The following CALD1 variants were observed in gnomAD, a reference collection of about 807,000 sequenced individuals.
CALD1 encodes the protein caldesmon 1, also known as caldesmon.
CALD1 carries 33 observed loss-of-function variants against 99.9 expected under a neutral mutation model. That is an observed-to-expected ratio of 0.33 (90% confidence interval 0.25 to 0.44). The LOEUF is 0.44. CALD1 is among the 20% of genes least tolerant of loss of function. The pLI, the probability that CALD1 is intolerant of heterozygous loss-of-function variation, is 1.00. For synonymous variants in CALD1, 310 were observed against 325.0 expected, an observed-to-expected ratio of 0.95 and a Z score of 0.50; for missense variants, 861 against 962.1, an observed-to-expected ratio of 0.89 and a Z score of 1.39.
rs1167457880 is a variant in CALD1, at chr7:134,933,625, A to G, written c.856A>G (p.Lys286Glu). 3 of 1,611,856 alleles carry G rather than the reference A, an allele frequency of 1.9e-6. No homozygotes were observed. Among genetic ancestry groups the G allele is most frequent in the Middle Eastern group, 1.7e-4 (1 of 6,060 alleles). The change falls in exon 5 of 15, where the codon AAA (lysine) becomes GAA (glutamate). Residue 286 changes from lysine to glutamate, a missense_variant. Lys to Glu is a moderately conservative substitution (Grantham distance 56). This residue lies in a region of CALD1 where 234 missense variants were observed against 233.1 expected (regional missense o/e 1.00). Transcript: ENST00000361675. ...AGAAAGAATTAAAGCCGAGCAAGAC[A>G]AAAAGATAGCAGATGAACGAGCAAG... is the stretch of plus-strand genomic sequence containing the variant. ...ERERIKAEQD[K>E]KIADERARIE...
At chr7:134,964,501 A>G (rs1218542789) in intron 13 of CALD1, among the ~76,000 whole-genome samples, 1 of 152,154 alleles carries the variant, frequency 6.6e-6, no homozygotes. Context: ...TCAGCCATTG[A>G]GGACTGCTCC....
At chr7:134,965,868 C>T (rs1385391765) in intron 14 of CALD1, among the ~76,000 whole-genome samples, 1 of 150,666 alleles carries the variant, frequency 6.6e-6, no homozygotes, top group Non-Finnish European at 1.5e-5. Flanking sequence ...AAAAGTAAGG[C>T]AACCATTTAC....
the CALD1 span, among the ~76,000 whole-genome samples, chr7:134,723,534 CTTTTTT>C: frequency 1.5e-4 from 13 of 87,692 alleles, no homozygotes; most frequent in East Asian, 4.2e-4. Flanking sequence ...GAAAAGGTAA[CTTTTTT>C]TTTTTTTTTT....
chr7:134,952,910 T>C (rs910673170), intron 9 of CALD1, among the ~76,000 whole-genome samples: 1 of 152,324 alleles, frequency 6.6e-6, no homozygotes, highest in South Asian at 2.1e-4. Flanking sequence ...ATTTAATATC[T>C]GATTATTTAT....
intron 1 of CALD1, among the ~76,000 whole-genome samples, chr7:134,801,739 C>T (rs1455042016): frequency 3.9e-5 from 6 of 152,096 alleles, no homozygotes; most frequent in African/African-American, 1.4e-4. Context: ...CCACCTTAGC[C>T]TCCCGTGTAG....
Position 134,869,566 on chromosome 7 carries a change from G to A in CALD1, c.71+1762G>A, listed in dbSNP as rs141391876. On this transcript the variant is annotated intron_variant, in intron 3 of 14. Transcript: ENST00000361675. ...TTAGGAGAGCAAAGAACTTATAGAC[G>A]GTTCCAAAGAATATACATCTGAGGA... is the stretch of plus-strand genomic sequence containing the variant. Among the ~76,000 whole-genome samples the A allele has an allele frequency of 3.9e-5, 6 of 152,192 alleles. No individual in the cohort carries two copies. The East Asian group carries it at 9.7e-4, about 25-fold the overall frequency.
chr7:134,960,907 C>A (rs149125792), intron 13 of CALD1: 1 of 246,612 alleles, frequency 4.1e-6, no homozygotes, highest in Non-Finnish European at 7.7e-6. Flanking sequence ...AGATCCTTTA[C>A]TCGTCTATTT....
intron 3 of CALD1, among the ~76,000 whole-genome samples, chr7:134,907,708 CA>C (rs1803499930): frequency 6.6e-6 from 1 of 152,112 alleles, no homozygotes; most frequent in South Asian, 2.1e-4. Flanking sequence ...TGGCCTACCC[CA>C]AATGGATTCT....
Position 134,950,525 on chromosome 7 carries a change from C to G in CALD1, c.1935+11C>G, listed in dbSNP as rs1807254387. ...GGTTCATCTCTCAAGGTATTTTTTT[C>G]CCCAGAAAACTTCTATTAGAATATG... On this transcript the variant is annotated intron_variant, in intron 9 of 14. Transcript: ENST00000361675. The G allele has an allele frequency of 1.9e-6, 3 of 1,609,802 alleles. No individual in the cohort carries two copies.
chr7:134,961,124 T>C (rs1808231400), intron 13 of CALD1: 1 of 152,304 alleles, frequency 6.6e-6, no homozygotes, highest in Admixed American at 6.5e-5. Context: ...AAATAATTGG[T>C]CTAATTGTGT....
rs749296224 is a variant in CALD1 at position 134,947,776 on chromosome 7, C to T, written c.1794+7C>T. 8.7e-6 allele frequency: 14 copies of T among 1,612,022 alleles called. No homozygotes were observed. The South Asian group carries it at 8.8e-5, about 10-fold the overall frequency. The stretch of plus-strand genomic sequence containing the variant: ...TCGAAAACTCAGAGAGGAGGTAAGG[C>T]GGGCGCTAGCCCACTGAGAACGTTG... On this transcript the variant is annotated splice_region_variant and intron_variant, in intron 8 of 14. Coordinates refer to ENST00000361675, the MANE Select transcript of CALD1 (RefSeq NM_033138.4).
intron 14 of CALD1, among the ~76,000 whole-genome samples, chr7:134,967,662 G>A (rs1808777999): frequency 6.6e-6 from 1 of 152,144 alleles, no homozygotes; most frequent in African/African-American, 2.4e-5. Flanking sequence ...AGTCGCATGT[G>A]CCTGTTCTGG....
chr7:134,781,220 A>G (rs975506166), intron 1 of CALD1, among the ~76,000 whole-genome samples: 2 of 152,194 alleles, frequency 1.3e-5, no homozygotes, highest in African/African-American at 2.4e-5. Context: ...TTTTAATGTC[A>G]ATCAAAATAT....
chr7:134,820,137 G>A (rs1219391843), intron 1 of CALD1, among the ~76,000 whole-genome samples: 4 of 152,062 alleles, frequency 2.6e-5, no homozygotes, highest in African/African-American at 9.7e-5. Flanking sequence ...CTACACAGAT[G>A]GTAACCAGAA....
rs376270840 is a variant in CALD1 at position 134,909,691 on chromosome 7, C to CA, written c.72-19054dup. On this transcript the variant is annotated intron_variant, in intron 3 of 14. Transcript: ENST00000361675. ...GGGTGACAAGAGCAAAACGCAGTCT[C>CA]AAAAAAAAAGGAACTTCGTTTGGAA... 9.3e-4 allele frequency among the ~76,000 whole-genome samples: 138 copies of CA among 148,718 alleles called. 4 individuals carry two copies. The highest frequency in any genetic ancestry group is 3.1e-3 in the African/African-American group (127 of 40,536).
At chr7:134,854,838 C>T (rs1031106656) in intron 2 of CALD1, among the ~76,000 whole-genome samples, 31 of 152,278 alleles carry the variant, frequency 2.0e-4, no homozygotes, top group African/African-American at 7.2e-4. Flanking sequence ...TGCCAAATCT[C>T]ATGTCGAATT....
chr7:134,937,000 A>G (rs556358063), intron 6 of CALD1, among the ~76,000 whole-genome samples: 7 of 152,358 alleles, frequency 4.6e-5, no homozygotes, highest in African/African-American at 1.4e-4. Context: ...AAAAAGAAAA[A>G]TGAAAGTTAC....
the CALD1 span, among the ~76,000 whole-genome samples, chr7:134,728,126 C>CT: frequency 1 from 152,293 of 152,294 alleles, 76,146 homozygotes; most frequent in Non-Finnish European, 1. Flanking sequence ...GTGATGAGTT[C>CT]TTTGTGCTAT....
At position 134,958,058 on chromosome 7, in the gene CALD1, G is replaced by A; in HGVS notation, c.1936-11G>A. 1 of 1,589,754 alleles carries A rather than the reference G, an allele frequency of 6.3e-7. No homozygotes were observed. Among genetic ancestry groups the A allele is most frequent in the South Asian group, 1.1e-5 (1 of 90,488 alleles). On this transcript the variant is annotated splice_polypyrimidine_tract_variant and intron_variant, in intron 9 of 14. Transcript: ENST00000361675. ...ATATTAATTGGGTTTATTTTCTTTT[G>A]TAATTCCTAGATAGAAGAGCGAGCA...
Sources: gnomAD v4.1 joint callset for allele counts (sites outside exome capture counted in the v4.1 genomes callset) on GRCh38, gnomAD v4.1.1 for gene constraint, gnomAD v4.1.1 regional missense constraint, MANE v1.5 for transcripts, NCBI Gene and HGNC (gene_info 2026-07-23, HGNC 2026-07-21) for gene names.